Variants in SV2B observed in about 807,000 individuals in gnomAD.
SV2B encodes the protein solute carrier family 22 member B2.
In SV2B, 41 loss-of-function variants were observed where a neutral mutation model predicts 73.9. That is an observed-to-expected ratio of 0.56 (90% CI 0.43 to 0.72). The LOEUF (loss-of-function observed/expected upper bound fraction) is 0.72. Among genes scored for constraint, SV2B ranks in the 30% least tolerant of loss-of-function variants. SV2B has a pLI of 0.00. For synonymous variants in SV2B, 314 were observed against 314.2 expected (o/e 1.00, Z 0.01); for missense variants, 764 against 857.8 (o/e 0.89, Z 1.37).
At chr15:91,188,392 C>T (rs2044862151) in intron 1 of SV2B, among the ~76,000 whole-genome samples, 3 of 152,218 alleles carry the variant, frequency 2.0e-5, no homozygotes, top group South Asian at 4.2e-4. Flanking sequence ...TGGCTCACTG[C>T]AAGCTCCACT....
intron 1 of SV2B, among the ~76,000 whole-genome samples, chr15:91,157,209 C>A (rs1181776649): frequency 6.6e-6 from 1 of 152,140 alleles, no homozygotes; most frequent in African/African-American, 2.4e-5. Context: ...GAAGCATGTC[C>A]TGGAGTGATT....
intron 1 of SV2B, among the ~76,000 whole-genome samples, chr15:91,113,987 G>A (rs545020851): frequency 3.3e-5 from 5 of 152,066 alleles, no homozygotes; most frequent in South Asian, 2.1e-4. Context: ...CTGTAGCTCC[G>A]GTGTCTAACA....
At chr15:91,199,567 G>C (rs1424512076) in intron 1 of SV2B, among the ~76,000 whole-genome samples, 3 of 152,242 alleles carry the variant, frequency 2.0e-5, no homozygotes. Context: ...TCTTGGGGCA[G>C]GGCAAATGCT....
At chr15:91,184,991 C>A (rs9806253) in intron 1 of SV2B, among the ~76,000 whole-genome samples, 47,636 of 152,118 alleles carry the variant, frequency 0.31, 8,275 homozygotes, top group East Asian at 0.71. Flanking sequence ...TAAAGAGGCA[C>A]ACTATTGAAA....
rs550023814 is a variant in SV2B at position 91,252,285 on chromosome 15, G to T, written c.633-84G>T. ...GGGTCCTTTCACCACAGAGCCTAAG[G>T]TGGGGTATAGGCAACTTGGTTTCTG... On this transcript the variant is annotated intron_variant, in intron 3 of 12. Coordinates refer to ENST00000394232, the MANE Select transcript of SV2B (RefSeq NM_001323032.3). This position sits in a 1 kb window ranked among gnomAD's most constrained non-coding sequence, Gnocchi z 4.6. 3 of 1,509,674 alleles carry T rather than the reference G, an allele frequency of 2.0e-6. No individual in the cohort carries two copies. Among genetic ancestry groups the T allele is most frequent in the African/African-American group, 1.4e-5 (1 of 71,936 alleles). 93.5% of individuals were successfully genotyped at this position (1,509,674 alleles called of 1,614,324 possible).
rs1352984183 is a variant in SV2B at position 91,220,211 on chromosome 15, C to G, written c.-391-5662C>G. ...GAACTAGCTTCCAAAGGCTATTTTA[C>G]ATGCCCACTGTCAGTTTCTGAGGGT... On this transcript the variant is annotated intron_variant, in intron 1 of 12. Transcript: ENST00000394232. The surrounding 1 kb of genome is among the most constrained non-coding windows in gnomAD (Gnocchi z 4.1). 6.6e-6 allele frequency among the ~76,000 whole-genome samples: 1 copy of G among 152,222 alleles called. No individual in the cohort carries two copies. The highest frequency in any genetic ancestry group is 1.9e-4 in the East Asian group (1 of 5,202).
chr15:91,197,633 A>T lies in SV2B; in HGVS notation c.-391-28240A>T, dbSNP rs952353844. Among the ~76,000 whole-genome samples the T allele has an allele frequency of 6.6e-6, 1 of 152,252 alleles. No individual in the cohort carries two copies. Among genetic ancestry groups the T allele is most frequent in the Non-Finnish European group, 1.5e-5 (1 of 68,042 alleles). On this transcript the variant is annotated intron_variant, in intron 1 of 12. Transcript: ENST00000394232. The surrounding 1 kb of genome is among the most constrained non-coding windows in gnomAD (Gnocchi z 4.9). ...AGTAAGGAGAGTTATCCCTAGGAATACTATATAGCAGTTCAGCTACATTAA... is the reference window on the plus strand; with the variant it reads ...AGTAAGGAGAGTTATCCCTAGGAATTCTATATAGCAGTTCAGCTACATTAA...
intron 9 of SV2B, among the ~76,000 whole-genome samples, chr15:91,279,987 G>T (rs1346450722): frequency 6.6e-6 from 1 of 152,284 alleles, no homozygotes; most frequent in Middle Eastern, 3.4e-3. Context: ...TGGTTTTCTA[G>T]ACCAATGATT....
intron 1 of SV2B, among the ~76,000 whole-genome samples, chr15:91,150,981 C>T (rs1217173383): frequency 1.3e-5 from 2 of 152,194 alleles, no homozygotes; most frequent in Non-Finnish European, 2.9e-5. Flanking sequence ...AAAGAAACCC[C>T]CTTACGCGTG....
In SV2B at chr15:91,137,336, A is replaced by C. The variant is rs2042861101; in HGVS notation, c.-392+36973A>C. On this transcript the variant is annotated intron_variant, in intron 1 of 12. Coordinates refer to ENST00000394232, the MANE Select transcript of SV2B (RefSeq NM_001323032.3). This position sits in a 1 kb window ranked among gnomAD's most constrained non-coding sequence, Gnocchi z 4.9. Reference sequence around the variant, plus strand: ...ATTGTTTTAAAAATTGTGTGATTCTAAATGTGAGATGGAAGATGAGGGTGG... The same window carrying C: ...ATTGTTTTAAAAATTGTGTGATTCTCAATGTGAGATGGAAGATGAGGGTGG... Among the ~76,000 whole-genome samples, 1 of 152,168 alleles carries C rather than the reference A, an allele frequency of 6.6e-6. No individual in the cohort carries two copies. The highest frequency in any genetic ancestry group is 1.5e-5 in the Non-Finnish European group (1 of 68,020).
intron 6 of SV2B, among the ~76,000 whole-genome samples, chr15:91,264,305 C>G (rs1178479282): frequency 1.3e-5 from 2 of 152,250 alleles, no homozygotes; most frequent in Non-Finnish European, 2.9e-5. Context: ...GAAACTCTGG[C>G]ACATTAAAAT....
At chr15:91,112,996 T>G (rs2042078590) in intron 1 of SV2B, among the ~76,000 whole-genome samples, 1 of 152,146 alleles carries the variant, frequency 6.6e-6, no homozygotes, top group Admixed American at 6.5e-5. Flanking sequence ...TTTTATTAAA[T>G]TAATTTTTTT....
chr15:91,289,078 T>C lies in SV2B; in HGVS notation c.1709-443T>C, dbSNP rs1271331646. Among the ~76,000 whole-genome samples the C allele has an allele frequency of 6.6e-6, 1 of 152,204 alleles. No individual in the cohort carries two copies. The highest frequency in any genetic ancestry group is 1.5e-5 in the Non-Finnish European group (1 of 68,034). On this transcript the variant is annotated intron_variant, in intron 11 of 12. Coordinates refer to ENST00000394232, the MANE Select transcript of SV2B (RefSeq NM_001323032.3). The surrounding 1 kb of genome is among the most constrained non-coding windows in gnomAD (Gnocchi z 4.9). ...GACTCCATATTTTGACTATTGTGAA[T>C]ATTGCTACATTGAACAAGAAGCACA...
intron 1 of SV2B, among the ~76,000 whole-genome samples, chr15:91,151,458 A>G (rs1177847451): frequency 6.6e-6 from 1 of 152,232 alleles, no homozygotes; most frequent in African/African-American, 2.4e-5. Context: ...GCCTGAGACC[A>G]CTAAGGACCA....
rs1486873845 is a variant in SV2B, at chr15:91,298,979, G to A, written c.*6427G>A. ...CATTTCAATAGGGTATGAACAAAAG[G>A]CCTATAAAAATAGCTTTCCAATTCG... On this transcript the variant is annotated 3_prime_UTR_variant, in exon 13 of 13. Transcript: ENST00000394232. The surrounding 1 kb of genome is among the most constrained non-coding windows in gnomAD (Gnocchi z 5.4). 2 of 152,044 alleles carry A rather than the reference G, an allele frequency of 1.3e-5. No homozygotes were observed. The highest frequency in any genetic ancestry group is 4.8e-5 in the African/African-American group (2 of 41,390). 9.4% of individuals were successfully genotyped at this position (152,044 alleles called of 1,614,324 possible).
rs1427317139 is a variant in SV2B, at chr15:91,293,142, T to TATAG, written c.*592_*593insAGAT. The TATAG allele has an allele frequency of 5.2e-5, 8 of 152,384 alleles. No individual in the cohort carries two copies. The South Asian group carries it at 8.3e-4, about 16-fold the overall frequency. The allele number at this position is 152,384 out of a possible 1,614,324, so 9.4% of individuals were successfully genotyped here. ...CATCTATAGAGATCTACTTTTCTCC[T>TATAG]ATGTCTCCTAGGCTTTCCATGATAA... is the stretch of plus-strand genomic sequence containing the variant. On this transcript the variant is annotated 3_prime_UTR_variant, in exon 13 of 13. Coordinates refer to ENST00000394232, the MANE Select transcript of SV2B (RefSeq NM_001323032.3).
At chr15:91,219,598 G>A (rs1407951253) in intron 1 of SV2B, among the ~76,000 whole-genome samples, 1 of 152,010 alleles carries the variant, frequency 6.6e-6, no homozygotes, top group Non-Finnish European at 1.5e-5. Flanking sequence ...TATTTTTTTG[G>A]GGGTGGGGCA....
chr15:91,245,341 T>A lies in SV2B; in HGVS notation c.452-6478T>A, dbSNP rs2047180622. ...ATGCATAAAATATTCTTTGCTGAGT[T>A]GTTTATTAAGTGAAAAGCTAGACTA... On this transcript the variant is annotated intron_variant, in intron 2 of 12. Coordinates refer to ENST00000394232, the MANE Select transcript of SV2B (RefSeq NM_001323032.3). The surrounding 1 kb of genome is among the most constrained non-coding windows in gnomAD (Gnocchi z 4.2). 6.6e-6 allele frequency among the ~76,000 whole-genome samples: 1 copy of A among 152,242 alleles called. No homozygotes were observed. The highest frequency in any genetic ancestry group is 2.1e-4 in the South Asian group (1 of 4,834).
At chr15:91,201,086 C>G (rs2045443762) in intron 1 of SV2B, among the ~76,000 whole-genome samples, 1 of 152,078 alleles carries the variant, frequency 6.6e-6, no homozygotes, top group South Asian at 2.1e-4. Flanking sequence ...CATGCTATTC[C>G]CTTTATCTTG....
Sources: gnomAD v4.1 joint callset for allele counts (sites outside exome capture counted in the v4.1 genomes callset) on GRCh38, gnomAD v4.1.1 for gene constraint, Gnocchi (gnomAD v3.1) non-coding constraint, MANE v1.5 for transcripts, NCBI Gene and HGNC (gene_info 2026-07-23, HGNC 2026-07-21) for gene names.